PHF11: variants seen among roughly 807,000 people sequenced by gnomAD.
PHF11 encodes the protein PHD finger protein 11, also known as BRCA1 C-terminus-associated protein.
PHF11 carries 38 observed loss-of-function variants against 40.5 expected under a neutral mutation model. The observed-to-expected ratio is 0.94, with a 90% CI of 0.72 to 1.23. PHF11 has a LOEUF of 1.23. PHF11 is among the 50% of genes most tolerant of loss of function. The pLI is 0.00. For missense variants in PHF11, 369 were observed against 392.4 expected, an observed-to-expected ratio of 0.94 and a Z score of 0.50; for synonymous variants, 127 against 138.2, an observed-to-expected ratio of 0.92 and a Z score of 0.57.
At chr13:49,496,966 T>C in intron 1 of PHF11, 5 of 816,288 alleles carry the variant, frequency 6.1e-6, no homozygotes, top group Non-Finnish European at 6.6e-6. Context: ...CCCGAGTGGA[T>C]GGGATTACAG....
intron 2 of PHF11, among the ~76,000 whole-genome samples, chr13:49,510,461 T>C (rs1474587387): frequency 1.2e-4 from 19 of 152,216 alleles, no homozygotes; most frequent in Admixed American, 1.2e-3. Flanking sequence ...CATTCTTAGA[T>C]TAACACCATT....
At position 49,496,019 on chromosome 13, in the gene PHF11, G is replaced by A. The variant is rs767254759; in HGVS notation, c.18G>A (p.Pro6=). 2 of 1,475,922 alleles carry A rather than the reference G, an allele frequency of 1.4e-6. No individual in the cohort carries two copies. The highest frequency in any genetic ancestry group is 2.5e-5 in the South Asian group (2 of 78,902). 91.4% of individuals were successfully genotyped at this position (1,475,922 alleles called of 1,614,324 possible). Residue 6 remains proline (P), a synonymous_variant, in exon 1 of 10, where the codon CCG becomes CCA. Transcript: ENST00000378319. ...GCACAGTCATGGCCCAGGCGTCGCCGCCCCGGCCCGAGAGGGTGCTCGGCG... is the reference window on the plus strand; with the variant it reads ...GCACAGTCATGGCCCAGGCGTCGCCACCCCGGCCCGAGAGGGTGCTCGGCG... MAQAS[P]PRPERVLGAS...
chr13:49,504,159 A>C (rs1417344291), intron 1 of PHF11, among the ~76,000 whole-genome samples: 1 of 151,944 alleles, frequency 6.6e-6, no homozygotes, highest in African/African-American at 2.4e-5. Context: ...AACACAAGAA[A>C]TGCTCTCAGG....
At chr13:49,508,620 T>G (rs1408611823) in intron 2 of PHF11, among the ~76,000 whole-genome samples, 1 of 151,924 alleles carries the variant, frequency 6.6e-6, no homozygotes, top group Non-Finnish European at 1.5e-5. Flanking sequence ...TATTTATTTT[T>G]ATTTATTGAT....
At chr13:49,521,164 G>C in intron 5 of PHF11, 3 of 1,192,024 alleles carry the variant, frequency 2.5e-6, no homozygotes, top group Non-Finnish European at 3.1e-6. Flanking sequence ...CCATTCCCTG[G>C]TATCTTTCAT....
chr13:49,502,990 C>G (rs564531513), intron 1 of PHF11, among the ~76,000 whole-genome samples: 1 of 152,254 alleles, frequency 6.6e-6, no homozygotes, highest in African/African-American at 2.4e-5. Flanking sequence ...TCCCAAAGTG[C>G]AGGGATTACA....
chr13:49,511,357 G>A (rs1026835071), intron 2 of PHF11, among the ~76,000 whole-genome samples: 144 of 82,916 alleles, frequency 1.7e-3, no homozygotes, highest in South Asian at 5.0e-3. Context: ...ACGGAGTTTC[G>A]CTTTTTTTGC....
At chr13:49,496,826 T>TA (rs1326925536) in intron 1 of PHF11, among the ~76,000 whole-genome samples, 3 of 126,568 alleles carry the variant, frequency 2.4e-5, no homozygotes, top group Non-Finnish European at 3.2e-5. Flanking sequence ...TGGCTGGGCT[T>TA]ACCCTTTTTT....
At chr13:49,523,326 G>A (rs959784573) in intron 7 of PHF11, 85 bp downstream of exon 7, 39 of 844,850 alleles carry the variant, frequency 4.6e-5, no homozygotes, top group Non-Finnish European at 7.0e-5. Flanking sequence ...TTGGTATCCC[G>A]CCTAAATCTT....
chr13:49,504,736 G>C (rs1419624328), intron 1 of PHF11, among the ~76,000 whole-genome samples: 1 of 151,930 alleles, frequency 6.6e-6, no homozygotes, highest in Non-Finnish European at 1.5e-5. Flanking sequence ...CATTGAGAAC[G>C]GGCCAGGATG....
At chr13:49,513,296 G>T in intron 3 of PHF11, 130 bp downstream of exon 3, 1 of 512,344 alleles carries the variant, frequency 2.0e-6, no homozygotes, top group Non-Finnish European at 3.5e-6. Context: ...AGTAGGAACT[G>T]TATTGGAAAC....
rs376080729 is a variant in PHF11 at position 49,518,188 on chromosome 13, G to C, written c.458+37G>C. 70 of 1,459,994 alleles carry C rather than the reference G, an allele frequency of 4.8e-5. No homozygotes were observed. In the African/African-American group the frequency reaches 6.9e-4, roughly 14 times the overall value. 90.4% of individuals were successfully genotyped at this position (1,459,994 alleles called of 1,614,324 possible). ...AACATTTTTAAAACCACATTTGGGG[G>C]ATTGGGATAAGGAATGGTTGGATTA... On this transcript the variant is annotated intron_variant, in intron 4 of 9. Coordinates refer to ENST00000378319, the MANE Select transcript of PHF11 (RefSeq NM_001040443.3).
At chr13:49,506,831 A>G (rs1959001014) in intron 2 of PHF11, 75 bp downstream of exon 2, 5 of 918,620 alleles carry the variant, frequency 5.4e-6, no homozygotes, top group African/African-American at 3.5e-5. Flanking sequence ...GATAAACAAC[A>G]CTTTGGACAC....
At chr13:49,503,592 C>T (rs1260570008) in intron 1 of PHF11, among the ~76,000 whole-genome samples, 1 of 152,224 alleles carries the variant, frequency 6.6e-6, no homozygotes, top group African/African-American at 2.4e-5. Context: ...AGAATACACA[C>T]TGGACTTCAA....
chr13:49,501,018 T>TTTTTTG (rs1566185428), intron 1 of PHF11, among the ~76,000 whole-genome samples: 4 of 42,192 alleles, frequency 9.5e-5, no homozygotes, highest in African/African-American at 6.9e-4. Context: ...TTTTTTTTGG[T>TTTTTTG]TTTTTTTTTT....
chr13:49,515,907 C>T (rs1358693112), intron 3 of PHF11, among the ~76,000 whole-genome samples: 1 of 152,184 alleles, frequency 6.6e-6, no homozygotes, highest in Non-Finnish European at 1.5e-5. Flanking sequence ...TTACTTACCC[C>T]TTTGATCATC....
At chr13:49,499,979 G>C (rs1345180399) in intron 1 of PHF11, among the ~76,000 whole-genome samples, 1 of 152,198 alleles carries the variant, frequency 6.6e-6, no homozygotes, top group Non-Finnish European at 1.5e-5. Flanking sequence ...GATTACCCTT[G>C]GCTGGAGGGC....
intron 1 of PHF11, among the ~76,000 whole-genome samples, chr13:49,498,347 G>A (rs752371156): frequency 1.3e-5 from 2 of 152,032 alleles, no homozygotes; most frequent in Admixed American, 6.6e-5. Flanking sequence ...GTACATTTCC[G>A]GTAGATCATT....
At chr13:49,504,605 C>T (rs1958956538) in intron 1 of PHF11, among the ~76,000 whole-genome samples, 2 of 145,416 alleles carry the variant, frequency 1.4e-5, no homozygotes, top group Non-Finnish European at 1.5e-5. Flanking sequence ...GGGTCAGCCC[C>T]CCGCCCGGCC....
Sources: gnomAD v4.1 joint callset for allele counts (sites outside exome capture counted in the v4.1 genomes callset) on GRCh38, gnomAD v4.1.1 for gene constraint, MANE v1.5 for transcripts, NCBI Gene and HGNC (gene_info 2026-07-23, HGNC 2026-07-21) for gene names.